ZNF292: variants seen among roughly 807,000 people sequenced by gnomAD.
The protein encoded by ZNF292 is 16 zinc-finger domain protein.
Under a neutral mutation model 217.9 loss-of-function variants are expected in ZNF292, and 26 were observed. The observed-to-expected ratio is 0.12, with a 90% confidence interval of 0.09 to 0.17. ZNF292 has a LOEUF of 0.17. Ranked by LOEUF, ZNF292 falls within the 10% of genes least tolerant of loss-of-function variation. ZNF292 has a pLI of 1.00. For missense variants in ZNF292, 2,904 were observed against 3,175.2 expected, an observed-to-expected ratio of 0.91 and a Z score of 2.05; for synonymous variants, 1,257 against 1,124.1, an observed-to-expected ratio of 1.12 and a Z score of -2.37.
chr6:87,233,468 A>C lies in ZNF292; in HGVS notation c.682A>C (p.Lys228Gln). ...HPEIGIKGSF[K>Q]QTYLVCLCTS... The stretch of plus-strand genomic sequence containing the variant: ...AGAGATTGGCATAAAAGGTAGTTTT[A>C]AGCAAACTTACCTTGTCTGTCTTTG... The change falls in exon 5 of 8, where the codon AAG becomes CAG. Residue 228 changes from lysine (K) to glutamine (Q), a missense_variant. By Grantham distance (53) the Lys-to-Gln change is moderately conservative. Transcript: ENST00000369577. 1 of 1,613,584 alleles carries C rather than the reference A, an allele frequency of 6.2e-7. No individual in the cohort carries two copies. Among genetic ancestry groups the C allele is most frequent in the Non-Finnish European group, 8.5e-7 (1 of 1,179,678 alleles).
At chr6:87,181,989 T>C (rs1771487001) in intron 1 of ZNF292, among the ~76,000 whole-genome samples, 1 of 152,156 alleles carries the variant, frequency 6.6e-6, no homozygotes, top group Non-Finnish European at 1.5e-5. Context: ...TTTTTTTGAT[T>C]GGATCCTACC....
At chr6:87,236,405 T>A (rs200704451) in intron 5 of ZNF292, among the ~76,000 whole-genome samples, 2,706 of 143,860 alleles carry the variant, frequency 0.019, 31 homozygotes, top group Non-Finnish European at 0.024. Flanking sequence ...TTTTTTTTTT[T>A]AAAAAAGAAA....
chr6:87,185,781 T>C (rs934658650), intron 1 of ZNF292, among the ~76,000 whole-genome samples: 5 of 152,206 alleles, frequency 3.3e-5, no homozygotes, highest in African/African-American at 1.2e-4. Context: ...CTATTTTTCT[T>C]ACTTTTTATT....
intron 1 of ZNF292, among the ~76,000 whole-genome samples, chr6:87,205,162 T>G (rs989458727): frequency 1.3e-5 from 2 of 152,078 alleles, no homozygotes; most frequent in Non-Finnish European, 2.9e-5. Context: ...AACCTCAAAC[T>G]CCTGGGCTCG....
chr6:87,214,016 T>C (rs1031804202), intron 1 of ZNF292, among the ~76,000 whole-genome samples: 9 of 152,200 alleles, frequency 5.9e-5, no homozygotes, highest in African/African-American at 2.2e-4. Context: ...TTCTTCAGCA[T>C]GTCAAAGTGC....
chr6:87,243,660 CA>C (rs1582489358), intron 6 of ZNF292, 49 bp downstream of exon 6: 3 of 1,385,988 alleles, frequency 2.2e-6, no homozygotes, highest in Admixed American at 3.2e-5. Flanking sequence ...AATAAGAATG[CA>C]AAATAGGCTG....
chr6:87,252,140 G>GT (rs11385021), intron 7 of ZNF292, among the ~76,000 whole-genome samples: 29,701 of 147,462 alleles, frequency 0.2, 3,644 homozygotes, highest in African/African-American at 0.36. Context: ...TTTGTTGTTT[G>GT]TTTTTTTTTT....
At chr6:87,190,970 A>G (rs1771805293) in intron 1 of ZNF292, among the ~76,000 whole-genome samples, 1 of 152,210 alleles carries the variant, frequency 6.6e-6, no homozygotes, top group Admixed American at 6.5e-5. Flanking sequence ...AAAACTGAGT[A>G]TATTAGACAT....
intron 4 of ZNF292, among the ~76,000 whole-genome samples, chr6:87,224,364 G>T (rs1582449980): frequency 6.7e-6 from 1 of 149,832 alleles, no homozygotes. Flanking sequence ...CCTCTTTTGT[G>T]TTGTATAGTT....
intron 1 of ZNF292, among the ~76,000 whole-genome samples, chr6:87,188,094 G>T (rs1330904508): frequency 6.6e-6 from 1 of 152,186 alleles, no homozygotes; most frequent in Non-Finnish European, 1.5e-5. Flanking sequence ...GACTGTATGA[G>T]CCAAATAAAA....
At chr6:87,162,315 CTCA>C (rs1770778212) in intron 1 of ZNF292, among the ~76,000 whole-genome samples, 1 of 152,166 alleles carries the variant, frequency 6.6e-6, no homozygotes, top group South Asian at 2.1e-4. Flanking sequence ...TATTTTATGT[CTCA>C]TCAGTTTGAT....
chr6:87,240,197 T>A (rs372062801), intron 5 of ZNF292, among the ~76,000 whole-genome samples: 2 of 151,486 alleles, frequency 1.3e-5, no homozygotes, highest in African/African-American at 4.9e-5. Flanking sequence ...CAAAAAAATA[T>A]GAAAACCAGT....
At chr6:87,253,421 G>A (rs1291643050) in intron 7 of ZNF292, among the ~76,000 whole-genome samples, 1 of 151,412 alleles carries the variant, frequency 6.6e-6, no homozygotes, top group Non-Finnish European at 1.5e-5. Context: ...TAGAGATGGG[G>A]GTTTCCCTAT....
At chr6:87,233,563 A>T (rs16878734) in intron 5 of ZNF292, 36 bp downstream of exon 5, 73,780 of 1,574,076 alleles carry the variant, frequency 0.047, 2,729 homozygotes, top group African/African-American at 0.19. Context: ...ATTATTTTTT[A>T]AGTTGAGAAA....
rs1774416507 is a variant in ZNF292 at position 87,243,497 on chromosome 6, A to T, written c.764A>T (p.Asp255Val). ...IEEISEVDCK[D>V]ALEMICNLES... ...TAGATTTCAGAAGTTGATTGCAAAG[A>T]TGCACTGGAAATGATCTGTAACTTA... Residue 255 changes from aspartate to valine, a missense_variant, in exon 6 of 8, where the codon GAT becomes GTT. Asp to Val is a radical substitution (Grantham distance 152). Transcript: ENST00000369577. 2 of 1,547,494 alleles carry T rather than the reference A, an allele frequency of 1.3e-6. No homozygotes were observed. The highest frequency in any genetic ancestry group is 1.7e-6 in the Non-Finnish European group (2 of 1,147,260).
At chr6:87,213,187 A>T (rs1772577552) in intron 1 of ZNF292, among the ~76,000 whole-genome samples, 1 of 152,208 alleles carries the variant, frequency 6.6e-6, no homozygotes, top group African/African-American at 2.4e-5. Flanking sequence ...GTTTGTGACA[A>T]AAGTCTGGCT....
chr6:87,232,127 C>T (rs1477631060), intron 4 of ZNF292, among the ~76,000 whole-genome samples: 1 of 151,946 alleles, frequency 6.6e-6, no homozygotes, highest in Non-Finnish European at 1.5e-5. Flanking sequence ...TAGAGGGTAG[C>T]AGGTGAAAAG....
intron 4 of ZNF292, among the ~76,000 whole-genome samples, chr6:87,220,861 G>A (rs548839193): frequency 6.6e-6 from 1 of 152,260 alleles, no homozygotes; most frequent in South Asian, 2.1e-4. Context: ...ATTGTAGGTA[G>A]CCAAACTAAT....
At chr6:87,160,487 A>ATGTGTGTGTGTGTGTGTGTGTG (rs141208047) in intron 1 of ZNF292, among the ~76,000 whole-genome samples, 3 of 77,868 alleles carry the variant, frequency 3.9e-5, no homozygotes, top group African/African-American at 1.1e-4. Context: ...GTGTTTGTAT[A>ATGTGTGTGTGTGTGTGTGTGTG]TATATGTGTG....
Sources: gnomAD v4.1 joint callset for allele counts (sites outside exome capture counted in the v4.1 genomes callset) on GRCh38, gnomAD v4.1.1 for gene constraint, MANE v1.5 for transcripts, NCBI Gene and HGNC (gene_info 2026-07-23, HGNC 2026-07-21) for gene names.